The following XKR4 variants were observed in gnomAD, a reference collection of about 807,000 sequenced individuals.
XKR4 encodes XK-related protein 4.
XKR4 carries 12 observed loss-of-function variants against 53.9 expected under a neutral mutation model. The ratio of observed to expected loss-of-function variants is 0.22; its 90% CI spans 0.14 to 0.36. XKR4 has a LOEUF of 0.36. Among genes scored for constraint, XKR4 ranks in the 10% least tolerant of loss-of-function variants. XKR4 has a pLI of 1.00. For missense variants in XKR4, 799 were observed against 859.5 expected, an observed-to-expected ratio of 0.93 and a Z score of 0.88; for synonymous variants, 354 against 362.4, an observed-to-expected ratio of 0.98 and a Z score of 0.26.
chr8:55,173,564 T>G (rs2129358789), intron 1 of XKR4, among the ~76,000 whole-genome samples: 1 of 152,320 alleles, frequency 6.6e-6, no homozygotes, highest in African/African-American at 2.4e-5. Flanking sequence ...GGTCTCCTTA[T>G]GGAGGAGCTG....
intron 2 of XKR4, among the ~76,000 whole-genome samples, chr8:55,381,935 C>T (rs1447329673): frequency 6.6e-6 from 1 of 152,176 alleles, no homozygotes; most frequent in Non-Finnish European, 1.5e-5. Flanking sequence ...AGGTTAAATG[C>T]CAGGACTAAG....
intron 1 of XKR4, among the ~76,000 whole-genome samples, chr8:55,316,975 T>C (rs775017727): frequency 7.9e-5 from 12 of 152,194 alleles, no homozygotes; most frequent in Non-Finnish European, 1.5e-4. Context: ...AAGGAATAGC[T>C]GGCTGGGAAG....
intron 1 of XKR4, among the ~76,000 whole-genome samples, chr8:55,112,592 G>GTTTTTTTTTTTTTTT (rs1563459297): frequency 8.8e-6 from 1 of 114,046 alleles, no homozygotes; most frequent in African/African-American, 3.5e-5. Flanking sequence ...TTTTTTTAGG[G>GTTTTTTTTTTTTTTT]AGCAGAGAGT....
chr8:55,180,146 G>A (rs985710910), intron 1 of XKR4, among the ~76,000 whole-genome samples: 2 of 152,174 alleles, frequency 1.3e-5, no homozygotes, highest in Admixed American at 6.5e-5. Flanking sequence ...AGGTTAGATA[G>A]TTGAAAAGAT....
At chr8:55,430,556 T>C (rs7837352) in intron 2 of XKR4, among the ~76,000 whole-genome samples, 17,207 of 152,190 alleles carry the variant, frequency 0.11, 2,704 homozygotes, top group African/African-American at 0.35. Flanking sequence ...AAAACGGTGA[T>C]GGAAATATTC....
At chr8:55,259,554 G>A (rs573297756) in intron 1 of XKR4, among the ~76,000 whole-genome samples, 2 of 152,230 alleles carry the variant, frequency 1.3e-5, no homozygotes, top group Non-Finnish European at 2.9e-5. Flanking sequence ...AGCTCTGAGA[G>A]GCTGGAGTGC....
At chr8:55,326,615 C>T (rs969161273) in intron 1 of XKR4, among the ~76,000 whole-genome samples, 3 of 151,510 alleles carry the variant, frequency 2.0e-5, no homozygotes, top group East Asian at 4.0e-4. Context: ...GGACTACAGG[C>T]GTGCACCACT....
chr8:55,195,248 CA>C (rs1410040939), intron 1 of XKR4, among the ~76,000 whole-genome samples: 4 of 115,502 alleles, frequency 3.5e-5, no homozygotes, highest in African/African-American at 1.2e-4. Context: ...AATTATCTAT[CA>C]AAAATATAAC....
At chr8:55,463,419 G>A (rs1270578394) in intron 2 of XKR4, among the ~76,000 whole-genome samples, 19 of 151,266 alleles carry the variant, frequency 1.3e-4, no homozygotes, top group Admixed American at 1.3e-3. Flanking sequence ...GATGTTCTTT[G>A]AAACCAACGA....
At chr8:55,468,389 C>T (rs191375968) in intron 2 of XKR4, among the ~76,000 whole-genome samples, 15 of 152,178 alleles carry the variant, frequency 9.9e-5, no homozygotes, top group Admixed American at 9.8e-4. Flanking sequence ...CCAACTTTTT[C>T]TAGAGTATTT....
At chr8:55,255,322 A>G (rs17430331) in intron 1 of XKR4, among the ~76,000 whole-genome samples, 52,756 of 152,050 alleles carry the variant, frequency 0.35, 10,475 homozygotes, top group Middle Eastern at 0.46. Context: ...GAAAGTGCCT[A>G]CAACAGTATA....
chr8:55,286,125 C>G (rs975076817), intron 1 of XKR4, among the ~76,000 whole-genome samples: 1 of 152,172 alleles, frequency 6.6e-6, no homozygotes, highest in Non-Finnish European at 1.5e-5. Flanking sequence ...TCAATGTTGT[C>G]AAAGAGCCCC....
intron 1 of XKR4, among the ~76,000 whole-genome samples, chr8:55,255,773 A>G (rs1238132903): frequency 6.6e-6 from 1 of 152,144 alleles, no homozygotes; most frequent in Non-Finnish European, 1.5e-5. Flanking sequence ...TTGTGAAGTC[A>G]TAAATTACAT....
intron 1 of XKR4, among the ~76,000 whole-genome samples, chr8:55,274,187 A>G (rs1249239081): frequency 1.3e-5 from 2 of 152,250 alleles, no homozygotes; most frequent in Non-Finnish European, 2.9e-5. Context: ...ATCACTAATA[A>G]TATATGACTA....
rs1423881158 is a variant in XKR4 at position 55,343,658 on chromosome 8, G to A, written c.807-14020G>A. 3.3e-5 allele frequency among the ~76,000 whole-genome samples: 5 copies of A among 152,132 alleles called. No homozygotes were observed. The East Asian group carries it at 5.8e-4, about 18-fold the overall frequency. On this transcript the variant is annotated intron_variant, in intron 1 of 2. Coordinates refer to ENST00000327381, the MANE Select transcript of XKR4 (RefSeq NM_052898.2). ...CTGCAGACTGGGCTCATGCAGAGAAGGGGCATTGCTGCTTTCAAGAAAGTC... is the reference window on the plus strand; with the variant it reads ...CTGCAGACTGGGCTCATGCAGAGAAAGGGCATTGCTGCTTTCAAGAAAGTC...
At chr8:55,164,270 C>T (rs929904922) in intron 1 of XKR4, 14 of 456,112 alleles carry the variant, frequency 3.1e-5, no homozygotes, top group South Asian at 7.7e-5. Flanking sequence ...TCTCTCTTTG[C>T]CTGACCCTCG....
chr8:55,400,780 G>A (rs1013874609), intron 2 of XKR4, among the ~76,000 whole-genome samples: 2 of 152,150 alleles, frequency 1.3e-5, no homozygotes, highest in Non-Finnish European at 2.9e-5. Flanking sequence ...CAAAATCTGG[G>A]GTGGTCGTGC....
At chr8:55,233,832 TAACAC>T (rs926311664) in intron 1 of XKR4, among the ~76,000 whole-genome samples, 3 of 152,244 alleles carry the variant, frequency 2.0e-5, no homozygotes, top group African/African-American at 7.2e-5. Flanking sequence ...TACCTGTTGC[TAACAC>T]ACTGAATAAA....
At chr8:55,270,245 T>C (rs1818668112) in intron 1 of XKR4, among the ~76,000 whole-genome samples, 1 of 152,222 alleles carries the variant, frequency 6.6e-6, no homozygotes, top group Non-Finnish European at 1.5e-5. Context: ...CTTGCTTCTC[T>C]GCAGGTCCTT....
Sources: allele counts gnomAD v4.1 joint callset (sites outside exome capture counted in the v4.1 genomes callset), GRCh38; gene constraint gnomAD v4.1.1; transcripts MANE v1.5; gene names NCBI Gene and HGNC (gene_info 2026-07-23, HGNC 2026-07-21).